GNG2: variants seen among roughly 807,000 people sequenced by gnomAD.
GNG2 encodes the protein G protein subunit gamma 2.
A neutral mutation model predicts 5.5 loss-of-function variants in GNG2; 5 were observed. That is an observed-to-expected ratio of 0.91 (90% CI 0.48 to 1.92). The LOEUF (loss-of-function observed/expected upper bound fraction) is 1.92. Among genes scored for constraint, GNG2 ranks in the 30% most tolerant of loss-of-function variants. GNG2 has a pLI of 0.01. For synonymous variants in GNG2, 28 were observed against 32.0 expected (o/e 0.88, Z 0.42); for missense variants, 55 against 88.4 (o/e 0.62, Z 1.52).
intron 2 of GNG2, among the ~76,000 whole-genome samples, chr14:51,880,957 C>CAAAA (rs1475802031): frequency 3.8e-4 from 4 of 10,488 alleles, no homozygotes; most frequent in East Asian, 3.4e-3. Context: ...CTTAAAAAGA[C>CAAAA]AAAAAAAAAG....
At chr14:51,925,462 C>G (rs998697130) in intron 2 of GNG2, among the ~76,000 whole-genome samples, 4 of 152,282 alleles carry the variant, frequency 2.6e-5, no homozygotes, top group African/African-American at 9.6e-5. Context: ...TCTTCCCAAC[C>G]CATGGTATAG....
chr14:51,932,271 A>AAAAGAG (rs60014306), intron 2 of GNG2, among the ~76,000 whole-genome samples: 2 of 96,340 alleles, frequency 2.1e-5, no homozygotes, highest in African/African-American at 8.2e-5. Context: ...AAAAAAAAAA[A>AAAAGAG]AGAAAAGAAA....
intron 2 of GNG2, among the ~76,000 whole-genome samples, chr14:51,923,404 TTGGA>T (rs1887130472): frequency 6.6e-6 from 1 of 152,056 alleles, no homozygotes; most frequent in Non-Finnish European, 1.5e-5. Context: ...AACTGTGAAA[TTGGA>T]TGGTTAGTGT....
intron 2 of GNG2, among the ~76,000 whole-genome samples, chr14:51,854,484 A>G (rs1397602724): frequency 6.6e-6 from 1 of 151,940 alleles, no homozygotes; most frequent in Non-Finnish European, 1.5e-5. Flanking sequence ...CAAGGCCTCC[A>G]TGGCTCTTTT....
chr14:51,943,886 A>C (rs1888494280), intron 2 of GNG2, among the ~76,000 whole-genome samples: 1 of 152,246 alleles, frequency 6.6e-6, no homozygotes, highest in Admixed American at 6.5e-5. Flanking sequence ...GGACAAATTC[A>C]CTGCAATCCA....
chr14:51,963,473 C>T (rs750362967), intron 3 of GNG2, among the ~76,000 whole-genome samples: 17 of 152,184 alleles, frequency 1.1e-4, no homozygotes, highest in Non-Finnish European at 1.6e-4. Context: ...CAATGACTAT[C>T]GCTCAAACAA....
chr14:51,952,410 G>A (rs1291973105), intron 3 of GNG2, among the ~76,000 whole-genome samples: 3 of 152,072 alleles, frequency 2.0e-5, no homozygotes, highest in Non-Finnish European at 4.4e-5. Context: ...TGCTGAAAAA[G>A]CACAAAGCAA....
chr14:51,959,971 A>G (rs548029151), intron 3 of GNG2, among the ~76,000 whole-genome samples: 1 of 152,062 alleles, frequency 6.6e-6, no homozygotes, highest in South Asian at 2.1e-4. Context: ...CGTTTGATTT[A>G]TGTTTCTTCA....
At chr14:51,855,985 C>A (rs1405256496), upstream of GNG2, among the ~76,000 whole-genome samples, 2 of 152,132 alleles carry the variant, frequency 1.3e-5, no homozygotes. Context: ...CCAGCCTGGG[C>A]AACATAGCAA....
intron 1 of GNG2, among the ~76,000 whole-genome samples, chr14:51,875,128 G>A (rs1883570765): frequency 6.6e-6 from 1 of 152,182 alleles, no homozygotes; most frequent in African/African-American, 2.4e-5. Context: ...TCTTTTTAAT[G>A]TAACAATCCG....
chr14:51,833,226 A>G (rs1450087236), intron 2 of GNG2, among the ~76,000 whole-genome samples: 2 of 152,236 alleles, frequency 1.3e-5, no homozygotes, highest in Non-Finnish European at 2.9e-5. Context: ...TGAGAATTTC[A>G]TGGAAAATCT....
Position 51,837,341 on chromosome 14 carries a change from A to T in GNG2, c.64+9534A>T, listed in dbSNP as rs1881359312. 3.3e-5 allele frequency among the ~76,000 whole-genome samples: 5 copies of T among 152,282 alleles called. No individual in the cohort carries two copies. In the South Asian group the frequency reaches 1.0e-3, roughly 32 times the overall value. Reference sequence around the variant, plus strand: ...AAAGCACTCTGTTAATTATTGCCAGATACAAAATTAAAATATAACTCGGCC... The same window carrying T: ...AAAGCACTCTGTTAATTATTGCCAGTTACAAAATTAAAATATAACTCGGCC... On this transcript the variant is annotated intron_variant, in intron 2 of 3. Transcript: ENST00000553432.
chr14:51,862,130 T>C (rs1005114716), intron 1 of GNG2, among the ~76,000 whole-genome samples: 1 of 152,188 alleles, frequency 6.6e-6, no homozygotes. Context: ...ATGAAATCGA[T>C]ATGGCTTCTC....
At chr14:51,894,603 T>C (rs1328133119) in intron 2 of GNG2, among the ~76,000 whole-genome samples, 1 of 152,152 alleles carries the variant, frequency 6.6e-6, no homozygotes, top group Non-Finnish European at 1.5e-5. Context: ...GTCATGATGT[T>C]AAGAGTAAAA....
intron 1 of GNG2, among the ~76,000 whole-genome samples, chr14:51,871,614 T>C (rs1386369237): frequency 6.6e-6 from 1 of 152,236 alleles, no homozygotes; most frequent in Non-Finnish European, 1.5e-5. Context: ...TGAATTGTAG[T>C]GTAATTATTC....
Position 51,910,030 on chromosome 14 carries a change from C to T in GNG2, c.-30+32373C>T, listed in dbSNP as rs553523714. ...CAACAATGAATAAATATTTAGTACC[C>T]AGCGTGGGGCGGAAGCTATGATAAG... On this transcript the variant is annotated intron_variant, in intron 2 of 3. Transcript: ENST00000556766. 2.6e-5 allele frequency among the ~76,000 whole-genome samples: 4 copies of T among 152,282 alleles called. No homozygotes were observed. The East Asian group carries it at 7.7e-4, about 29-fold the overall frequency.
chr14:51,914,219 G>A (rs746346352), intron 2 of GNG2: 4 of 702,036 alleles, frequency 5.7e-6, no homozygotes, highest in South Asian at 3.0e-5. Context: ...TGCCAGAAAT[G>A]ACTGTGCCAT....
chr14:51,868,916 A>T (rs1883115870), intron 1 of GNG2, among the ~76,000 whole-genome samples: 2 of 152,228 alleles, frequency 1.3e-5, no homozygotes, highest in Non-Finnish European at 2.9e-5. Flanking sequence ...TGCAATCAGC[A>T]CTACACTACT....
intron 2 of GNG2, among the ~76,000 whole-genome samples, chr14:51,908,639 G>A (rs1028783265): frequency 2.2e-4 from 32 of 146,734 alleles, no homozygotes; most frequent in African/African-American, 7.3e-4. Flanking sequence ...GCGCGATCTC[G>A]GCTCACTGCA....
Sources: allele counts gnomAD v4.1 joint callset (sites outside exome capture counted in the v4.1 genomes callset), GRCh38; gene constraint gnomAD v4.1.1; transcripts MANE v1.5; gene names NCBI Gene and HGNC (gene_info 2026-07-23, HGNC 2026-07-21).